The following EPB41L4A variants were observed in gnomAD, a reference collection of about 807,000 sequenced individuals.
EPB41L4A encodes the protein band 4.1-like protein 4A.
Under a neutral mutation model 108.6 loss-of-function variants are expected in EPB41L4A, and 100 were observed. The observed-to-expected ratio is 0.92, with a 90% CI of 0.78 to 1.09. The LOEUF (loss-of-function observed/expected upper bound fraction) is 1.09. Among genes scored for constraint, EPB41L4A ranks in the 50% least tolerant of loss-of-function variants. The pLI, the probability that EPB41L4A is intolerant of heterozygous loss-of-function variation, is 0.00. For synonymous variants in EPB41L4A, 319 were observed against 289.0 expected (o/e 1.10, Z -1.05); for missense variants, 1,030 against 842.7 (o/e 1.22, Z -2.75).
chr5:112,253,045 TC>T (rs1750803769), intron 9 of EPB41L4A, among the ~76,000 whole-genome samples: 1 of 152,130 alleles, frequency 6.6e-6, no homozygotes, highest in South Asian at 2.1e-4. Context: ...TAGAAGACGA[TC>T]AGGCAAGAAT....
intron 17 of EPB41L4A, among the ~76,000 whole-genome samples, chr5:112,191,014 G>T (rs910998509): frequency 6.6e-6 from 1 of 152,084 alleles, no homozygotes; most frequent in Admixed American, 6.5e-5. Flanking sequence ...AAACTAAAAG[G>T]AGAAATAAGA....
At chr5:112,145,606 G>A (rs1428282122) in intron 13 of EPB41L4A, among the ~76,000 whole-genome samples, 3 of 152,162 alleles carry the variant, frequency 2.0e-5, no homozygotes. Context: ...GACACATGTA[G>A]TGGCCTTTAC....
chr5:112,287,924 G>A (rs759028274), intron 2 of EPB41L4A, among the ~76,000 whole-genome samples: 1 of 152,298 alleles, frequency 6.6e-6, no homozygotes, highest in South Asian at 2.1e-4. Context: ...AGAAGAGAGA[G>A]ATAAGCTAAA....
intron 12 of EPB41L4A, among the ~76,000 whole-genome samples, chr5:112,222,404 T>C (rs558651603): frequency 6.6e-6 from 1 of 152,340 alleles, no homozygotes; most frequent in South Asian, 2.1e-4. Flanking sequence ...CATGCCTCAG[T>C]TTCCTCATCA....
At chr5:112,305,764 A>T (rs1754645614) in intron 2 of EPB41L4A, among the ~76,000 whole-genome samples, 1 of 152,172 alleles carries the variant, frequency 6.6e-6, no homozygotes. Flanking sequence ...ACAGGGAAAG[A>T]ATACTTTTTT....
intron 1 of EPB41L4A, among the ~76,000 whole-genome samples, chr5:112,325,560 AT>A (rs1407625695): frequency 6.6e-6 from 1 of 152,062 alleles, no homozygotes; most frequent in Admixed American, 6.5e-5. Context: ...AGAAGCTATT[AT>A]TTTTCTTTAT....
intron 2 of EPB41L4A, among the ~76,000 whole-genome samples, chr5:112,289,784 A>C (rs1158037243): frequency 6.6e-6 from 1 of 152,194 alleles, no homozygotes; most frequent in Non-Finnish European, 1.5e-5. Context: ...AGTAGAACAG[A>C]CATGAGCGGG....
intron 7 of EPB41L4A, among the ~76,000 whole-genome samples, chr5:112,260,302 A>T (rs1453708213): frequency 6.6e-6 from 1 of 152,232 alleles, no homozygotes; most frequent in Non-Finnish European, 1.5e-5. Context: ...TATTAACTGG[A>T]ATCACTGTGC....
chr5:112,349,156 G>C (rs1212440457), intron 1 of EPB41L4A, among the ~76,000 whole-genome samples: 1 of 152,184 alleles, frequency 6.6e-6, no homozygotes, highest in African/African-American at 2.4e-5. Flanking sequence ...GCAGGTGTGA[G>C]TGCCAGACAG....
chr5:112,291,639 G>A (rs1053979085), intron 2 of EPB41L4A, among the ~76,000 whole-genome samples: 1 of 152,156 alleles, frequency 6.6e-6, no homozygotes, highest in African/African-American at 2.4e-5. Context: ...GGGGGAATGA[G>A]GAACCCTCCC....
intron 22 of EPB41L4A, among the ~76,000 whole-genome samples, chr5:112,165,661 T>C (rs542149428): frequency 2.0e-5 from 3 of 152,296 alleles, no homozygotes; most frequent in East Asian, 3.9e-4. Context: ...AGAATGACAC[T>C]AACTCACAAC....
chr5:112,187,352 A>G (rs963748607), intron 17 of EPB41L4A, among the ~76,000 whole-genome samples: 1 of 152,352 alleles, frequency 6.6e-6, no homozygotes, highest in South Asian at 2.1e-4. Context: ...GAAGTATATC[A>G]TAACAAGGTT....
At chr5:112,296,990 T>TACACACAC (rs10542487) in intron 2 of EPB41L4A, among the ~76,000 whole-genome samples, 22 of 148,884 alleles carry the variant, frequency 1.5e-4, no homozygotes, top group African/African-American at 4.2e-4. Context: ...TATACATACA[T>TACACACAC]ACACACACAC....
At chr5:112,245,586 G>C (rs544326095) in intron 9 of EPB41L4A, among the ~76,000 whole-genome samples, 2 of 152,168 alleles carry the variant, frequency 1.3e-5, no homozygotes, top group Non-Finnish European at 2.9e-5. Flanking sequence ...TTCTGGCTCG[G>C]GTGCTACTAA....
chr5:112,348,810 T>C (rs780661789), intron 1 of EPB41L4A, among the ~76,000 whole-genome samples: 3 of 152,212 alleles, frequency 2.0e-5, no homozygotes, highest in Non-Finnish European at 4.4e-5. Flanking sequence ...ATTTATTCCT[T>C]GTACAAAATC....
chr5:112,169,608 T>A (rs1455116346), intron 20 of EPB41L4A, among the ~76,000 whole-genome samples: 1 of 152,256 alleles, frequency 6.6e-6, no homozygotes, highest in African/African-American at 2.4e-5. Context: ...TTTCACAATG[T>A]ATACATATAT....
At chr5:112,307,742 T>C (rs2083188824) in intron 1 of EPB41L4A, among the ~76,000 whole-genome samples, 2 of 151,794 alleles carry the variant, frequency 1.3e-5, no homozygotes, top group South Asian at 4.2e-4. Context: ...GCTTCTTTCT[T>C]CTGGGATTAT....
chr5:112,158,606 T>C (rs1041799989), downstream of EPB41L4A, among the ~76,000 whole-genome samples: 3 of 152,212 alleles, frequency 2.0e-5, no homozygotes, highest in Admixed American at 6.5e-5. Flanking sequence ...AAGGTTTAAT[T>C]AACTTACAGT....
chr5:112,168,162 G>A (rs1039131230), intron 22 of EPB41L4A, among the ~76,000 whole-genome samples: 1 of 152,202 alleles, frequency 6.6e-6, no homozygotes, highest in African/African-American at 2.4e-5. Context: ...GAGGCGGTAT[G>A]AAACTCTTCC....
Sources: allele counts gnomAD v4.1 joint callset (sites outside exome capture counted in the v4.1 genomes callset), GRCh38; gene constraint gnomAD v4.1.1; transcripts MANE v1.5; gene names NCBI Gene and HGNC (gene_info 2026-07-23, HGNC 2026-07-21).